The following TNFSF10 variants were observed in gnomAD, a reference collection of about 807,000 sequenced individuals.
The protein encoded by TNFSF10 is tumor necrosis factor ligand superfamily member 10.
A neutral mutation model predicts 29.5 loss-of-function variants in TNFSF10; 13 were observed. The observed-to-expected ratio is 0.44, with a 90% CI of 0.29 to 0.70. The LOEUF (loss-of-function observed/expected upper bound fraction) is 0.70. Among genes scored for constraint, TNFSF10 ranks in the 30% least tolerant of loss-of-function variants. The pLI, the probability that TNFSF10 is intolerant of heterozygous loss-of-function variation, is 0.13. For missense variants in TNFSF10, 345 were observed against 330.9 expected (o/e 1.04, Z -0.33); for synonymous variants, 111 against 112.8 (o/e 0.98, Z 0.10).
intron 3 of TNFSF10, among the ~76,000 whole-genome samples, chr3:172,511,038 G>A (rs1342560850): frequency 6.6e-6 from 1 of 152,082 alleles, no homozygotes; most frequent in African/African-American, 2.4e-5. Context: ...CAGATGGAAA[G>A]CTAAAGAAGC....
chr3:172,521,504 C>T (rs1441396813), intron 1 of TNFSF10, among the ~76,000 whole-genome samples: 1 of 152,126 alleles, frequency 6.6e-6, no homozygotes, highest in African/African-American at 2.4e-5. Flanking sequence ...TAATGAGATA[C>T]CATCTCACTC....
intron 1 of TNFSF10, among the ~76,000 whole-genome samples, chr3:172,518,766 A>T (rs1713557001): frequency 6.6e-6 from 1 of 152,210 alleles, no homozygotes; most frequent in South Asian, 2.1e-4. Context: ...ATTCAATTTT[A>T]AGAAATTAAT....
At chr3:172,517,179 G>A (rs3136591) in intron 1 of TNFSF10, among the ~76,000 whole-genome samples, 56,857 of 152,110 alleles carry the variant, frequency 0.37, 11,830 homozygotes, top group Middle Eastern at 0.56. Flanking sequence ...AAAGCTGCCT[G>A]TGATCAGGCA....
chr3:172,517,749 TA>T (rs1166286013), intron 1 of TNFSF10: 1 of 984,292 alleles, frequency 1.0e-6, no homozygotes, highest in Non-Finnish European at 1.2e-6. Context: ...ATAGCATGGA[TA>T]TTTTTATAAC....
Position 172,509,285 on chromosome 3 carries a change from C to G in TNFSF10, c.350G>C (p.Arg117Thr). 1 of 1,613,876 alleles carries G rather than the reference C, an allele frequency of 6.2e-7. No homozygotes were observed. The highest frequency in any genetic ancestry group is 8.5e-7 in the Non-Finnish European group (1 of 1,179,894). Residue 117 changes from arginine to threonine, a missense_variant, in exon 4 of 5, where the codon AGA becomes ACA. Physicochemically the swap from Arg to Thr is moderately conservative, Grantham distance 71. Coordinates refer to ENST00000241261, the MANE Select transcript of TNFSF10 (RefSeq NM_003810.4). The part of the protein sequence containing the change: ...QQNISPLVRE[R>T]GPQRVAAHIT... ...GTGAGCTGCTACTCTCTGAGGACCT[C>G]TTTCTCTCACTAGGGGAGAAATATT... is the stretch of plus-strand genomic sequence containing the variant.
intron 1 of TNFSF10, among the ~76,000 whole-genome samples, chr3:172,521,579 G>A (rs879879836): frequency 2.2e-4 from 33 of 152,214 alleles, no homozygotes; most frequent in Non-Finnish European, 3.5e-4. Flanking sequence ...TGGAGAAATA[G>A]GAATGCTTTT....
At chr3:172,507,253 T>G in intron 4 of TNFSF10, 1 of 253,662 alleles carries the variant, frequency 3.9e-6, no homozygotes. Flanking sequence ...TGGGCAGAAC[T>G]TCTGCCCTGA....
In TNFSF10 at chr3:172,506,223, T is replaced by C. The variant is rs1456521840; in HGVS notation, c.*269A>G. ...TAATGTTTGGAAGCTGACAGTCTTC[T>C]AGATTTCTGCTAGCAAACTGATATG... On this transcript the variant is annotated 3_prime_UTR_variant, in exon 5 of 5. Transcript: ENST00000241261. The C allele has an allele frequency of 5.1e-6, 2 of 392,218 alleles. No homozygotes were observed. The highest frequency in any genetic ancestry group is 8.5e-5 in the Admixed American group (2 of 23,642). The allele number at this position is 392,218 out of a possible 1,614,324, so 24.3% of individuals were successfully genotyped here.
At chr3:172,511,940 C>A (rs1713241237) in intron 2 of TNFSF10, among the ~76,000 whole-genome samples, 1 of 152,190 alleles carries the variant, frequency 6.6e-6, no homozygotes, top group Non-Finnish European at 1.5e-5. Context: ...TGGAGCAGTG[C>A]AGGAGGAAGA....
chr3:172,510,597 A>G (rs182473768), intron 3 of TNFSF10, among the ~76,000 whole-genome samples: 28 of 152,296 alleles, frequency 1.8e-4, no homozygotes, highest in African/African-American at 6.7e-4. Context: ...TGGTATACAG[A>G]GTTGTGTTTC....
intron 1 of TNFSF10, chr3:172,522,215 A>G (rs1468954983): frequency 6.6e-6 from 3 of 457,648 alleles, no homozygotes; most frequent in Non-Finnish European, 1.2e-5. Context: ...AAATAAAAAA[A>G]TTTAAAAATA....
intron 1 of TNFSF10, chr3:172,522,245 A>T: frequency 1.8e-6 from 1 of 568,056 alleles, no homozygotes; most frequent in East Asian, 3.3e-5. Context: ...GTTTGCCAGA[A>T]TTCACAAAGA....
At chr3:172,516,916 T>A (rs1383870143) in intron 1 of TNFSF10, among the ~76,000 whole-genome samples, 2 of 152,196 alleles carry the variant, frequency 1.3e-5, no homozygotes, top group Non-Finnish European at 2.9e-5. Context: ...CGAGGGTGGT[T>A]CCAGGAAGAG....
chr3:172,523,298 G>C lies in TNFSF10; in HGVS notation c.87C>G (p.Leu29=), dbSNP rs1713787949. The C allele has an allele frequency of 3.1e-6, 5 of 1,614,070 alleles. No homozygotes were observed. The East Asian group carries it at 1.1e-4, about 36-fold the overall frequency. The change falls in exon 1 of 5, where the codon CTC becomes CTG. Residue 29 remains leucine (L), a synonymous_variant. Coordinates refer to ENST00000241261, the MANE Select transcript of TNFSF10 (RefSeq NM_003810.4). ...IVIFTVLLQS[L]CVAVTYVYFT... ...AGTACACGTAAGTTACAGCCACACA[G>C]AGAGACTGCAGGAGCACTGTGAAGA...
chr3:172,517,606 C>A, intron 1 of TNFSF10: 1 of 985,246 alleles, frequency 1.0e-6, no homozygotes, highest in Non-Finnish European at 1.2e-6. Context: ...TCCTACTTAA[C>A]CTTTGGATGA....
chr3:172,519,247 T>C (rs558722678), intron 1 of TNFSF10, among the ~76,000 whole-genome samples: 27 of 152,234 alleles, frequency 1.8e-4, no homozygotes, highest in Non-Finnish European at 3.5e-4. Flanking sequence ...CATATGTCAA[T>C]ATGCAATTAG....
chr3:172,517,517 A>G, intron 1 of TNFSF10: 1 of 985,254 alleles, frequency 1.0e-6, no homozygotes, highest in East Asian at 1.1e-4. Flanking sequence ...CTAAAAGAAA[A>G]AAAAAACCCT....
intron 1 of TNFSF10, among the ~76,000 whole-genome samples, chr3:172,519,884 G>A (rs1347996771): frequency 6.6e-6 from 1 of 152,224 alleles, no homozygotes. Context: ...TGGTGCTGCA[G>A]GATGCGCTGT....
chr3:172,507,037 T>C, intron 4 of TNFSF10, 118 bp from the exon 5 acceptor site: 5 of 850,126 alleles, frequency 5.9e-6, no homozygotes, highest in Non-Finnish European at 7.1e-6. Context: ...GATTTCAATC[T>C]AATATCAAAC....
Sources: gnomAD v4.1 joint callset for allele counts (sites outside exome capture counted in the v4.1 genomes callset) on GRCh38, gnomAD v4.1.1 for gene constraint, MANE v1.5 for transcripts, NCBI Gene and HGNC (gene_info 2026-07-23, HGNC 2026-07-21) for gene names.